The following GCA variants were observed in gnomAD, a reference collection of about 807,000 sequenced individuals.
GCA encodes grancalcin, EF-hand calcium-binding protein.
GCA carries 30 observed loss-of-function variants against 32.6 expected under a neutral mutation model. That is an observed-to-expected ratio of 0.92 (90% CI 0.69 to 1.25). The LOEUF (loss-of-function observed/expected upper bound fraction) is 1.25. Among genes scored for constraint, GCA ranks in the 50% most tolerant of loss-of-function variants. The probability of loss-of-function intolerance (pLI) is 0.00; values close to 1 mark genes in which losing one functional copy is unlikely to be tolerated. For synonymous variants in GCA, 102 were observed against 84.6 expected, an observed-to-expected ratio of 1.21 and a Z score of -1.13; for missense variants, 291 against 266.8, an observed-to-expected ratio of 1.09 and a Z score of -0.63.
At chr2:162,354,535 C>T (rs534136465) in intron 3 of GCA, among the ~76,000 whole-genome samples, 1 of 152,226 alleles carries the variant, frequency 6.6e-6, no homozygotes, top group Non-Finnish European at 1.5e-5. Context: ...TGAACCGAGG[C>T]AGGGAGGGGA....
intron 3 of GCA, among the ~76,000 whole-genome samples, chr2:162,355,444 A>C (rs1685216079): frequency 1.3e-5 from 2 of 152,100 alleles, no homozygotes; most frequent in African/African-American, 4.8e-5. Context: ...AAATGTTAAG[A>C]TGTTATGGAT....
intron 1 of GCA, among the ~76,000 whole-genome samples, chr2:162,323,313 T>C (rs1683751656): frequency 6.6e-6 from 1 of 151,898 alleles, no homozygotes; most frequent in South Asian, 2.1e-4. Context: ...TATTAGCCCT[T>C]TGTCGGATGA....
chr2:162,363,150 C>T (rs1222640465), downstream of GCA, among the ~76,000 whole-genome samples: 1 of 151,196 alleles, frequency 6.6e-6, no homozygotes, highest in Non-Finnish European at 1.5e-5. Context: ...TTACGTTTGA[C>T]AAACTCTTAA....
intron 3 of GCA, among the ~76,000 whole-genome samples, chr2:162,353,558 G>C (rs1685106529): frequency 6.6e-6 from 1 of 152,158 alleles, no homozygotes; most frequent in African/African-American, 2.4e-5. Flanking sequence ...TGATTGGCCA[G>C]GTATAGAATT....
downstream of GCA, chr2:162,371,720 T>A (rs956010553): frequency 3.7e-6 from 4 of 1,070,250 alleles, no homozygotes; most frequent in Non-Finnish European, 5.3e-6. Context: ...CTTTTGCATA[T>A]AATGGTACCT....
chr2:162,371,983 T>C (rs777140982), downstream of GCA: 2 of 1,613,744 alleles, frequency 1.2e-6, no homozygotes, highest in African/African-American at 2.7e-5. Flanking sequence ...ATCACTGTCT[T>C]GTTTTAAAAG....
rs1685520289 is a variant in GCA, at chr2:162,360,448, A to C, written c.*205A>C. On this transcript the variant is annotated 3_prime_UTR_variant, in exon 8 of 8. Coordinates refer to ENST00000437150, the MANE Select transcript of GCA (RefSeq NM_012198.5). ...TTTGAGGTATTACTGCTTTTGGAAA[A>C]GTTATTTTATAAATATGTGCATATT... The C allele has an allele frequency of 2.7e-6, 3 of 1,100,556 alleles. No homozygotes were observed. The African/African-American group carries it at 4.9e-5, about 18-fold the overall frequency. 68.2% of individuals were successfully genotyped at this position (1,100,556 alleles called of 1,614,324 possible).
upstream of GCA, chr2:162,318,923 C>T: frequency 4.3e-6 from 1 of 234,074 alleles, no homozygotes. Context: ...CAGGTTCTGC[C>T]TTAACAATAA....
downstream of GCA, among the ~76,000 whole-genome samples, chr2:162,366,469 T>C (rs992482790): frequency 2.0e-5 from 3 of 151,944 alleles, no homozygotes; most frequent in Admixed American, 2.0e-4. Flanking sequence ...GGTAATTTCC[T>C]TTCATGCTTT....
chr2:162,348,438 A>G (rs957599549), intron 2 of GCA, among the ~76,000 whole-genome samples: 2 of 152,188 alleles, frequency 1.3e-5, no homozygotes, highest in African/African-American at 2.4e-5. Flanking sequence ...AGGTGAAGTT[A>G]TATCATTTAT....
At chr2:162,354,594 T>C (rs976747849) in intron 3 of GCA, among the ~76,000 whole-genome samples, 1 of 152,158 alleles carries the variant, frequency 6.6e-6, no homozygotes, top group African/African-American at 2.4e-5. Flanking sequence ...AATTCTTCTG[T>C]TTTTATCTCC....
At chr2:162,321,344 C>G (rs1021966024) in intron 1 of GCA, among the ~76,000 whole-genome samples, 1 of 152,088 alleles carries the variant, frequency 6.6e-6, no homozygotes, top group African/African-American at 2.4e-5. Flanking sequence ...ATGTATTTTC[C>G]CATTGTTATG....
chr2:162,355,237 A>G (rs1447198393), intron 3 of GCA, among the ~76,000 whole-genome samples: 1 of 152,150 alleles, frequency 6.6e-6, no homozygotes, highest in African/African-American at 2.4e-5. Context: ...ATCATGTAAC[A>G]CACGCCACCT....
upstream of GCA, among the ~76,000 whole-genome samples, chr2:162,341,064 C>T (rs1410748599): frequency 6.6e-6 from 1 of 151,898 alleles, no homozygotes; most frequent in South Asian, 2.1e-4. Context: ...GTTCTCCCTG[C>T]TAGAATGTAA....
chr2:162,340,370 G>A (rs1419010243), upstream of GCA, among the ~76,000 whole-genome samples: 3 of 152,132 alleles, frequency 2.0e-5, no homozygotes, highest in African/African-American at 7.2e-5. Flanking sequence ...TGTAATTTAA[G>A]GGCAAATCCA....
intron 4 of GCA, among the ~76,000 whole-genome samples, chr2:162,370,581 AT>A (rs1320336621): frequency 6.6e-6 from 1 of 152,096 alleles, no homozygotes; most frequent in Non-Finnish European, 1.5e-5. Context: ...TTAATTTTCA[AT>A]TGGCAAAAGT....
rs547805202 is a variant in GCA, at chr2:162,346,404, A to T, written c.28-1174A>T. On this transcript the variant is annotated intron_variant, in intron 1 of 7. Transcript: ENST00000437150. ...TGAGAACCTGGTGGTCAGATTAATG[A>T]TGGTTACCAATTCTTTACCACTCCC... Among the ~76,000 whole-genome samples, 82 of 152,334 alleles carry T rather than the reference A, an allele frequency of 5.4e-4. 1 individual carries two copies. Among genetic ancestry groups the T allele is most frequent in the Non-Finnish European group, 1.1e-3 (73 of 68,026 alleles).
chr2:162,331,861 T>C (rs1684095893), intron 1 of GCA, among the ~76,000 whole-genome samples: 1 of 152,232 alleles, frequency 6.6e-6, no homozygotes, highest in Admixed American at 6.5e-5. Flanking sequence ...TCATTCATAA[T>C]TCATTTTGGC....
At chr2:162,321,872 A>AGTAGTTTTTTCCAATTCTGTGAAG (rs1558881448) in intron 1 of GCA, among the ~76,000 whole-genome samples, 8 of 122,888 alleles carry the variant, frequency 6.5e-5, no homozygotes, top group African/African-American at 1.8e-4. Flanking sequence ...TATAAAGGAA[A>AGTAGTTTTTTCCAATTCTGTGAAG]AATTTAGTTA....
Sources: allele counts gnomAD v4.1 joint callset (sites outside exome capture counted in the v4.1 genomes callset), GRCh38; gene constraint gnomAD v4.1.1; transcripts MANE v1.5; gene names NCBI Gene and HGNC (gene_info 2026-07-23, HGNC 2026-07-21).